The following FLACC1 variants were observed in gnomAD, a reference collection of about 807,000 sequenced individuals.
FLACC1 encodes the protein flagellum associated containing coiled-coil domains 1.
A neutral mutation model predicts 62.8 loss-of-function variants in FLACC1; 66 were observed. The observed-to-expected ratio is 1.05, with a 90% CI of 0.86 to 1.29. FLACC1 has a LOEUF of 1.29. FLACC1 is among the 50% of genes most tolerant of loss of function. The pLI is 0.00. For missense variants in FLACC1, 452 were observed against 489.1 expected (o/e 0.92, Z 0.71); for synonymous variants, 156 against 161.0 (o/e 0.97, Z 0.24).
At chr2:201,291,470 C>T (rs1023381506) in intron 12 of FLACC1, among the ~76,000 whole-genome samples, 4 of 152,226 alleles carry the variant, frequency 2.6e-5, no homozygotes, top group African/African-American at 4.8e-5. Flanking sequence ...AGGGTCCTGA[C>T]TGTTAGAAGG....
upstream of FLACC1, among the ~76,000 whole-genome samples, chr2:201,358,509 C>T (rs1005081212): frequency 8.7e-5 from 13 of 150,202 alleles, no homozygotes; most frequent in African/African-American, 1.7e-4. Context: ...CTCCGCCTCC[C>T]GGGTTCACGC....
chr2:201,336,112 GTGAGCATAGTACC>G (rs71022363), intron 7 of FLACC1, among the ~76,000 whole-genome samples: 72,668 of 151,776 alleles, frequency 0.48, 17,910 homozygotes, highest in South Asian at 0.73. Flanking sequence ...TGCTCAGGTA[GTGAGCATAGTACC>G]TGATAGGTTG....
intron 11 of FLACC1, among the ~76,000 whole-genome samples, chr2:201,302,585 T>A (rs1950008597): frequency 6.6e-6 from 1 of 152,184 alleles, no homozygotes; most frequent in Non-Finnish European, 1.5e-5. Flanking sequence ...GTGGACCTAA[T>A]AGACATCTAC....
upstream of FLACC1, among the ~76,000 whole-genome samples, chr2:201,359,512 C>T (rs1045648009): frequency 7.2e-5 from 11 of 152,122 alleles, no homozygotes; most frequent in Admixed American, 3.9e-4. Flanking sequence ...CCAGTATTTA[C>T]GACAAGATTT....
At position 201,288,388 on chromosome 2, in the gene FLACC1, G is replaced by A. The variant is rs35705002; in HGVS notation, c.*267C>T. 1.3e-3 allele frequency: 385 copies of A among 305,484 alleles called. 1 individual carries two copies. Among genetic ancestry groups the A allele is most frequent in the African/African-American group, 7.4e-3 (348 of 46,996 alleles). 18.9% of individuals were successfully genotyped at this position (305,484 alleles called of 1,614,324 possible). On this transcript the variant is annotated 3_prime_UTR_variant, in exon 15 of 15. Coordinates refer to ENST00000392257, the MANE Select transcript of FLACC1 (RefSeq NM_001127391.3). ...GCCTTCAAATCAGTTTCTTTCTAAC[G>A]AAATACGTCAAGGTAGAAGAAAAAT...
intron 9 of FLACC1, among the ~76,000 whole-genome samples, chr2:201,324,251 G>A (rs6435077): frequency 0.97 from 147,481 of 152,314 alleles, 71,591 homozygotes; most frequent in East Asian, 1. Context: ...ACAACAGTAA[G>A]ACAAGACAAA....
chr2:201,348,332 A>C (rs1362493872), intron 3 of FLACC1, 30 bp from the exon 4 acceptor site: 2 of 1,608,134 alleles, frequency 1.2e-6, no homozygotes, highest in Non-Finnish European at 1.7e-6. Context: ...TCAGAAAGCA[A>C]CCAGACAGCA....
At chr2:201,341,529 A>G (rs890479310) in intron 7 of FLACC1, among the ~76,000 whole-genome samples, 1 of 150,550 alleles carries the variant, frequency 6.6e-6, no homozygotes, top group Non-Finnish European at 1.5e-5. Flanking sequence ...TAGAGTTTAT[A>G]TGTATGTATA....
In FLACC1 at chr2:201,289,734, T is replaced by C. The variant is rs1216039398; in HGVS notation, c.994A>G (p.Thr332Ala). 6.2e-7 allele frequency: 1 copy of C among 1,614,210 alleles called. No homozygotes were observed. The highest frequency in any genetic ancestry group is 1.7e-5 in the Admixed American group (1 of 60,030). ...TCCAACTGGGTATAGTAGAGGTTTGTGTTCAGTGACTCTAGGATAAGGGCT... is the reference window on the plus strand; with the variant it reads ...TCCAACTGGGTATAGTAGAGGTTTGCGTTCAGTGACTCTAGGATAAGGGCT... ...AQALILESLN[T>A]NLYYTQLELQ... is the part of the protein sequence containing the mutation. Residue 332 changes from threonine to alanine, a missense_variant, in exon 13 of 15, where the codon ACA (threonine) becomes GCA (alanine). Coordinates refer to ENST00000392257, the MANE Select transcript of FLACC1 (RefSeq NM_001127391.3).
At chr2:201,347,651 G>GA (rs746660980) in intron 4 of FLACC1, among the ~76,000 whole-genome samples, 2 of 148,134 alleles carry the variant, frequency 1.4e-5, no homozygotes, top group East Asian at 4.0e-4. Flanking sequence ...ACAAAAAAAA[G>GA]AAAGAAAAGA....
At chr2:201,295,241 T>A (rs1255649137) in intron 12 of FLACC1, among the ~76,000 whole-genome samples, 1 of 152,126 alleles carries the variant, frequency 6.6e-6, no homozygotes. Flanking sequence ...TGGAGGCATC[T>A]CGCTACCTGA....
chr2:201,297,852 C>G (rs111820676), intron 12 of FLACC1, among the ~76,000 whole-genome samples: 3 of 152,090 alleles, frequency 2.0e-5, no homozygotes, highest in Non-Finnish European at 4.4e-5. Context: ...GGGAGCGGAG[C>G]CCTTAAATCG....
intron 12 of FLACC1, 45 bp from the exon 13 acceptor site, chr2:201,289,830 T>G (rs2125529210): frequency 6.2e-7 from 1 of 1,613,890 alleles, no homozygotes; most frequent in East Asian, 2.2e-5. Context: ...CAATGTCTAT[T>G]TATTTGGTCT....
At chr2:201,363,737 T>C in the FLACC1 span, among the ~76,000 whole-genome samples, 2 of 152,120 alleles carry the variant, frequency 1.3e-5, no homozygotes, top group African/African-American at 4.8e-5. Flanking sequence ...TGTGCATAGA[T>C]CCTGGTGCAG....
intron 1 of FLACC1, among the ~76,000 whole-genome samples, chr2:201,354,348 G>A (rs1951080469): frequency 6.6e-6 from 1 of 152,204 alleles, no homozygotes; most frequent in Non-Finnish European, 1.5e-5. Flanking sequence ...GCAAAGGCAA[G>A]AGACCTGGCC....
chr2:201,296,336 A>G (rs1025695111), intron 12 of FLACC1, among the ~76,000 whole-genome samples: 7 of 152,274 alleles, frequency 4.6e-5, no homozygotes, highest in African/African-American at 1.7e-4. Context: ...GCAGCCATAA[A>G]AAATGATGAG....
Position 201,342,320 on chromosome 2 carries a change from G to T in FLACC1, c.524+50C>A, listed in dbSNP as rs1487392184. On this transcript the variant is annotated intron_variant, in intron 7 of 14. Coordinates refer to ENST00000392257, the MANE Select transcript of FLACC1 (RefSeq NM_001127391.3). ...GAACTAAAATCCTGCAAAGGATGCG[G>T]GACCCTTAGAGCCATCAACACACAC... 4 of 1,591,868 alleles carry T rather than the reference G, an allele frequency of 2.5e-6. No homozygotes were observed. In the South Asian group the frequency reaches 3.3e-5, roughly 13 times the overall value.
At chr2:201,290,195 A>G (rs1949700365) in intron 12 of FLACC1, among the ~76,000 whole-genome samples, 1 of 152,210 alleles carries the variant, frequency 6.6e-6, no homozygotes, top group South Asian at 2.1e-4. Context: ...TCTGTATGAC[A>G]CTATAATGGT....
intron 3 of FLACC1, among the ~76,000 whole-genome samples, chr2:201,349,324 C>A (rs1325332837): frequency 6.6e-6 from 1 of 152,224 alleles, no homozygotes; most frequent in Admixed American, 6.5e-5. Flanking sequence ...TTGCCCCAGG[C>A]ATCATTGAGG....
Sources: gnomAD v4.1 joint callset for allele counts (sites outside exome capture counted in the v4.1 genomes callset) on GRCh38, gnomAD v4.1.1 for gene constraint, MANE v1.5 for transcripts, NCBI Gene and HGNC (gene_info 2026-07-23, HGNC 2026-07-21) for gene names.